The following PARP1 variants were observed in gnomAD, a reference collection of about 807,000 sequenced individuals.
PARP1 encodes poly [ADP-ribose] polymerase 1.
PARP1 carries 44 observed loss-of-function variants against 118.7 expected under a neutral mutation model. That is an observed-to-expected ratio of 0.37 (90% CI 0.29 to 0.48). PARP1 has a LOEUF of 0.48. Among genes scored for constraint, PARP1 ranks in the 20% least tolerant of loss-of-function variants. The pLI is 0.99. For synonymous variants in PARP1, 492 were observed against 483.2 expected, an observed-to-expected ratio of 1.02 and a Z score of -0.24; for missense variants, 1,100 against 1,272.4, an observed-to-expected ratio of 0.86 and a Z score of 2.06.
chr1:226,407,744 C>A, intron 1 of PARP1, 66 bp downstream of exon 1: 1 of 1,520,636 alleles, frequency 6.6e-7, no homozygotes, highest in Non-Finnish European at 8.8e-7. Context: ...CCTCCCCCAG[C>A]CTTCCCGGAC....
In PARP1 at chr1:226,386,456, C is replaced by G. The variant is rs567555838; in HGVS notation, c.718-14G>C. The G allele has an allele frequency of 3.3e-6, 5 of 1,522,726 alleles. No homozygotes were observed. The African/African-American group carries it at 6.8e-5, about 21-fold the overall frequency. 94.3% of individuals were successfully genotyped at this position (1,522,726 alleles called of 1,614,324 possible). ...GTCGTTCTGAGCCTATGGACAAGAC[C>G]CAGTGGCTGAGAGGCTAGCTCTTTT... On this transcript the variant is annotated splice_polypyrimidine_tract_variant and intron_variant, in intron 5 of 22. Transcript: ENST00000366794.
intron 2 of PARP1, among the ~76,000 whole-genome samples, chr1:226,396,587 T>C (rs962821562): frequency 1.3e-5 from 2 of 152,202 alleles, no homozygotes; most frequent in Admixed American, 6.5e-5. Flanking sequence ...AAACTTTTCA[T>C]ATATCTAAAA....
chr1:226,377,362 A>T, intron 12 of PARP1, 59 bp from the exon 13 acceptor site: 1 of 1,330,918 alleles, frequency 7.5e-7, no homozygotes, highest in Admixed American at 1.7e-5. Context: ...CCATTTCAGG[A>T]GCTCCCCTTT....
intron 13 of PARP1, among the ~76,000 whole-genome samples, chr1:226,376,787 G>A (rs926813017): frequency 6.6e-6 from 1 of 152,144 alleles, no homozygotes; most frequent in African/African-American, 2.4e-5. Flanking sequence ...GTATAGATCC[G>A]TCTATGCTGC....
At chr1:226,382,961 C>T (rs1576397089) in intron 8 of PARP1, 75 bp downstream of exon 8, 1 of 1,518,104 alleles carries the variant, frequency 6.6e-7, no homozygotes, top group East Asian at 2.2e-5. Flanking sequence ...TCTTCACCAG[C>T]TCCACACCAC....
intron 2 of PARP1, among the ~76,000 whole-genome samples, chr1:226,394,156 C>T (rs1440500989): frequency 6.6e-6 from 1 of 152,146 alleles, no homozygotes; most frequent in African/African-American, 2.4e-5. Flanking sequence ...CAAGACCAGC[C>T]TGGGCAACAT....
In PARP1 at chr1:226,390,527, C is replaced by T; in HGVS notation, c.500G>A (p.Arg167Lys). Residue 167 changes from arginine to lysine, a missense_variant, in exon 4 of 23, where the codon AGG (arginine) becomes AAG (lysine). Arg to Lys is a conservative substitution (Grantham distance 26, BLOSUM62 2). This residue lies in a region of PARP1 where 948 missense variants were observed against 1,031.8 expected (regional missense o/e 0.92). Transcript: ENST00000366794. Reference sequence around the variant, plus strand: ...CTCGGGCCGGAAACCCAGCTCCTCCCTGTTCTTGACAAAGCAGCCTGGATG... The same window carrying T: ...CTCGGGCCGGAAACCCAGCTCCTCCTTGTTCTTGACAAAGCAGCCTGGATG... ...WYHPGCFVKN[R>K]EELGFRPEYS... The T allele has an allele frequency of 1.9e-6, 3 of 1,614,224 alleles. No individual in the cohort carries two copies. Among genetic ancestry groups the T allele is most frequent in the East Asian group, 2.2e-5 (1 of 44,888 alleles).
chr1:226,390,026 C>T (rs1324858107), intron 4 of PARP1, among the ~76,000 whole-genome samples: 1 of 152,190 alleles, frequency 6.6e-6, no homozygotes, highest in Non-Finnish European at 1.5e-5. Context: ...ATTCTCCCAG[C>T]ATTGTTCCGA....
In PARP1 at chr1:226,381,088, G is replaced by A. The variant is rs1261041435; in HGVS notation, c.1280C>T (p.Ser427Phe). Reference sequence around the variant, plus strand: ...CTCACTTTTGGTGCTGATGCACAGGGAAGCCTTGTTGGCCGTCCCCGTCAA... The same window carrying A: ...CTCACTTTTGGTGCTGATGCACAGGAAAGCCTTGTTGGCCGTCCCCGTCAA... Reference protein sequence around the residue: ...GKLTGTANKASLCISTKKEVE... With the variant: ...GKLTGTANKAFLCISTKKEVE... The change falls in exon 9 of 23, where the codon TCC becomes TTC. Residue 427 changes from serine (S) to phenylalanine (F), a missense_variant. Transcript: ENST00000366794. 6.2e-7 allele frequency: 1 copy of A among 1,614,188 alleles called. No individual in the cohort carries two copies. The highest frequency in any genetic ancestry group is 1.1e-5 in the South Asian group (1 of 91,084).
intron 7 of PARP1, 33 bp from the exon 8 acceptor site, chr1:226,383,216 G>C: frequency 6.2e-7 from 1 of 1,601,258 alleles, no homozygotes; most frequent in South Asian, 1.1e-5. Flanking sequence ...TAAGAAGCCA[G>C]CTCTCCCTTG....
chr1:226,402,645 G>A (rs532855200), intron 1 of PARP1, among the ~76,000 whole-genome samples: 23 of 152,346 alleles, frequency 1.5e-4, no homozygotes, highest in African/African-American at 5.1e-4. Context: ...ACACAGCCAC[G>A]AGAAAGGTGG....
At chr1:226,366,092 CA>C (rs1348629436) in intron 17 of PARP1, 40 bp from the exon 18 acceptor site, 4 of 1,356,670 alleles carry the variant, frequency 2.9e-6, no homozygotes, top group Non-Finnish European at 4.2e-6. Flanking sequence ...AAAAGAGACC[CA>C]GGAGAGCTAC....
At chr1:226,406,508 C>T (rs1389626743) in intron 1 of PARP1, among the ~76,000 whole-genome samples, 5 of 152,222 alleles carry the variant, frequency 3.3e-5, no homozygotes. Context: ...CCTAATCAAG[C>T]TTCCACCCTT....
intron 1 of PARP1, among the ~76,000 whole-genome samples, chr1:226,404,744 C>T (rs889848553): frequency 1.3e-5 from 2 of 152,226 alleles, no homozygotes; most frequent in African/African-American, 4.8e-5. Flanking sequence ...GTTAGCTGCA[C>T]AGCTGAGGCA....
chr1:226,372,239 G>A (rs902771011), intron 14 of PARP1, among the ~76,000 whole-genome samples: 2 of 152,196 alleles, frequency 1.3e-5, no homozygotes, highest in East Asian at 3.8e-4. Context: ...AATCCCACGT[G>A]GACCCCGCTG....
chr1:226,377,016 T>C (rs1664505444), intron 13 of PARP1, 92 bp downstream of exon 13: 4 of 1,112,686 alleles, frequency 3.6e-6, no homozygotes, highest in Non-Finnish European at 5.5e-6. Context: ...ATGTTTACTA[T>C]GATGCCACCT....
rs764152162 is a variant in PARP1, at chr1:226,392,872, C to T, written c.287-558G>A. ...AGCCATTTGGGACAAAAACTGGATT[C>T]TTCTCTTATTATAAAAATAAATTCC... On this transcript the variant is annotated intron_variant, in intron 2 of 22. Transcript: ENST00000366794. The T allele has an allele frequency of 8.3e-5, 126 of 1,521,396 alleles. 1 individual carries two copies. Among genetic ancestry groups the T allele is most frequent in the South Asian group, 7.1e-4 (55 of 77,436 alleles). The allele number at this position is 1,521,396 out of a possible 1,614,324, so 94.2% of individuals were successfully genotyped here.
intron 7 of PARP1, among the ~76,000 whole-genome samples, chr1:226,383,768 C>T (rs909420027): frequency 1.3e-5 from 2 of 152,330 alleles, no homozygotes; most frequent in Non-Finnish European, 2.9e-5. Flanking sequence ...AGGGGCCTTG[C>T]TCTAAATGGT....
chr1:226,392,251 T>C lies in PARP1; in HGVS notation c.350A>G (p.Tyr117Cys). 2 of 1,614,166 alleles carry C rather than the reference T, an allele frequency of 1.2e-6. No homozygotes were observed. The highest frequency in any genetic ancestry group is 2.2e-5 in the East Asian group (1 of 44,880). The change falls in exon 3 of 23, where the codon TAT becomes TGT. Residue 117 changes from tyrosine to cysteine, a missense_variant. By Grantham distance (194) the Tyr-to-Cys change is radical (BLOSUM62 -2). Transcript: ENST00000366794. ...EKTLGDFAAE[Y>C]AKSNRSTCKG... ...GCACGTACTTCTGTTGGACTTGGCA[T>C]ACTCTGCTGCAAAGTCACCCAGAGT... is the stretch of plus-strand genomic sequence containing the variant.
Sources: allele counts gnomAD v4.1 joint callset (sites outside exome capture counted in the v4.1 genomes callset), GRCh38; gene constraint gnomAD v4.1.1; regional missense constraint gnomAD v4.1.1; transcripts MANE v1.5; gene names NCBI Gene and HGNC (gene_info 2026-07-23, HGNC 2026-07-21).